NR2C2: variants seen among roughly 807,000 people sequenced by gnomAD.
NR2C2 encodes the protein Nuclear hormone receptor TR4.
NR2C2 carries 6 observed loss-of-function variants against 62.9 expected under a neutral mutation model. The ratio of observed to expected loss-of-function variants is 0.10; its 90% CI spans 0.05 to 0.19. NR2C2 has a LOEUF of 0.19. Ranked by LOEUF, NR2C2 falls within the 10% of genes least tolerant of loss-of-function variation. NR2C2 has a pLI of 1.00. For missense variants in NR2C2, 479 were observed against 762.7 expected (o/e 0.63, Z 4.38); for synonymous variants, 272 against 273.8 (o/e 0.99, Z 0.07).
chr3:15,048,342 A>G lies in NR2C2; in HGVS notation c.*5334A>G, dbSNP rs1445441114. 1.3e-5 allele frequency: 2 copies of G among 152,682 alleles called. No homozygotes were observed. The highest frequency in any genetic ancestry group is 2.9e-5 in the Non-Finnish European group (2 of 68,050). 9.5% of individuals were successfully genotyped at this position (152,682 alleles called of 1,614,324 possible). A position where few individuals can be genotyped will look rare whatever the true frequency, so the allele number is the denominator to read the frequency against. On this transcript the variant is annotated 3_prime_UTR_variant, in exon 14 of 14. Transcript: ENST00000425241. ...GTTAAAATGCAATTGGAAACTTGAC[A>G]GTCTCTAAATGAATTAAAAGTTTCC...
Position 14,972,807 on chromosome 3 carries a change from T to TAA in NR2C2, c.-40+24902_-40+24903insAA, listed in dbSNP as rs371340360. On this transcript the variant is annotated intron_variant, in intron 1 of 13. Transcript: ENST00000425241. ...GCAGACAAAGCAGGAGCAGGTGTCT[T>TAA]ACATGGCAGGGGCAGGACCAAGAGA... Among the ~76,000 whole-genome samples the TAA allele has an allele frequency of 1.5e-3, 228 of 152,174 alleles. 1 individual carries two copies. Among genetic ancestry groups the TAA allele is most frequent in the African/African-American group, 5.0e-3 (207 of 41,508 alleles).
Position 15,047,059 on chromosome 3 carries a change from C to T in NR2C2, c.*4051C>T, listed in dbSNP as rs1172822347. The T allele has an allele frequency of 2.0e-5, 3 of 152,728 alleles. No individual in the cohort carries two copies. Among genetic ancestry groups the T allele is most frequent in the African/African-American group, 4.8e-5 (2 of 41,546 alleles). The allele number at this position is 152,728 out of a possible 1,614,324, so 9.5% of individuals were successfully genotyped here. A position where few individuals can be genotyped will look rare whatever the true frequency, so the allele number is the denominator to read the frequency against. ...TAGGCTGTAAGACTGAATGAATGTA[C>T]ATGTGTTTATATCCTCTCCATATGT... On this transcript the variant is annotated 3_prime_UTR_variant, in exon 14 of 14. Transcript: ENST00000425241.
At chr3:15,000,964 G>A (rs558015307) in intron 1 of NR2C2, among the ~76,000 whole-genome samples, 38 of 151,070 alleles carry the variant, frequency 2.5e-4, no homozygotes, top group Non-Finnish European at 5.0e-4. Flanking sequence ...ACAGGCACCC[G>A]TCACCACGCC....
chr3:15,037,237 GTGTT>G (rs1209069837), intron 11 of NR2C2, among the ~76,000 whole-genome samples: 28 of 150,562 alleles, frequency 1.9e-4, no homozygotes, highest in African/African-American at 6.2e-4. Context: ...GTGTGTGTGT[GTGTT>G]TTTGTTTTTT....
At chr3:14,952,995 G>C (rs1003035351) in intron 1 of NR2C2, among the ~76,000 whole-genome samples, 1 of 152,246 alleles carries the variant, frequency 6.6e-6, no homozygotes, top group Non-Finnish European at 1.5e-5. Context: ...GTAGGCATTT[G>C]TTAAAGGTAC....
intron 7 of NR2C2, among the ~76,000 whole-genome samples, chr3:15,027,454 G>T (rs1034481838): frequency 6.6e-6 from 1 of 152,210 alleles, no homozygotes; most frequent in Admixed American, 6.5e-5. Flanking sequence ...CCATCTTTTT[G>T]ATTGTAGCCA....
chr3:15,032,972 C>A (rs889467805), intron 10 of NR2C2, among the ~76,000 whole-genome samples: 6 of 151,592 alleles, frequency 4.0e-5, no homozygotes, highest in African/African-American at 4.8e-5. Flanking sequence ...AAACCCCCCC[C>A]CCTTTTCTTG....
At chr3:15,007,188 C>T (rs371229995) in intron 2 of NR2C2, among the ~76,000 whole-genome samples, 1 of 146,054 alleles carries the variant, frequency 6.8e-6, no homozygotes, top group Non-Finnish European at 1.5e-5. Flanking sequence ...AGTGTAGTGG[C>T]GCGATCTTGG....
intron 5 of NR2C2, among the ~76,000 whole-genome samples, chr3:15,021,211 AC>A (rs1264775986): frequency 1.3e-5 from 2 of 152,120 alleles, no homozygotes. Context: ...GAAAGCTGAT[AC>A]CAAATCTACC....
intron 11 of NR2C2, among the ~76,000 whole-genome samples, chr3:15,035,953 G>A (rs2042091500): frequency 6.6e-6 from 1 of 152,152 alleles, no homozygotes; most frequent in African/African-American, 2.4e-5. Flanking sequence ...ACTTGAACCT[G>A]GGAGGCGGAG....
chr3:15,038,819 G>C, intron 12 of NR2C2: 1 of 264,958 alleles, frequency 3.8e-6, no homozygotes, highest in Non-Finnish European at 7.1e-6. Flanking sequence ...AATTTTATGT[G>C]ATAGTTTTTA....
chr3:15,042,044 T>G (rs1296706691), intron 13 of NR2C2, among the ~76,000 whole-genome samples: 1 of 152,218 alleles, frequency 6.6e-6, no homozygotes, highest in African/African-American at 2.4e-5. Flanking sequence ...ATTTCCCTGC[T>G]AATGAAAAGG....
chr3:14,959,062 A>G (rs2039612258), intron 1 of NR2C2: 1 of 152,222 alleles, frequency 6.6e-6, no homozygotes, highest in Admixed American at 6.5e-5. Context: ...GGAGCCTCTT[A>G]TTCTAGTGGG....
chr3:15,039,551 G>C (rs1316630228), intron 13 of NR2C2, among the ~76,000 whole-genome samples: 2 of 152,188 alleles, frequency 1.3e-5, no homozygotes, highest in Non-Finnish European at 2.9e-5. Flanking sequence ...AACAGATGCT[G>C]TGTGGCCTGT....
chr3:15,048,486 G>T lies in NR2C2; in HGVS notation c.*5478G>T, dbSNP rs895812664. 1.2e-4 allele frequency: 19 copies of T among 152,634 alleles called. No individual in the cohort carries two copies. The highest frequency in any genetic ancestry group is 4.3e-4 in the African/African-American group (18 of 41,532). 9.5% of individuals were successfully genotyped at this position (152,634 alleles called of 1,614,324 possible). On this transcript the variant is annotated 3_prime_UTR_variant, in exon 14 of 14. Transcript: ENST00000425241. The stretch of plus-strand genomic sequence containing the variant: ...TAATGCCCAGCTATAAATAATTTTG[G>T]TGTCTTGATATTTATACATGCAAAA...
chr3:15,003,740 T>C (rs767240281), intron 1 of NR2C2, 136 bp from the exon 2 acceptor site: 2 of 567,622 alleles, frequency 3.5e-6, no homozygotes, highest in African/African-American at 2.0e-5. Context: ...TTTGTCATCA[T>C]CCTTCTGGGT....
chr3:14,972,512 T>C (rs948509219), intron 1 of NR2C2, among the ~76,000 whole-genome samples: 3 of 152,198 alleles, frequency 2.0e-5, no homozygotes, highest in African/African-American at 7.2e-5. Flanking sequence ...TTCATATATT[T>C]TTGGAGAATG....
intron 1 of NR2C2, among the ~76,000 whole-genome samples, chr3:14,965,522 CAAAA>C (rs545143806): frequency 2.6e-3 from 205 of 79,660 alleles, no homozygotes; most frequent in African/African-American, 7.0e-3. Flanking sequence ...TTTCCCATGG[CAAAA>C]AAAAAAAAAA....
chr3:15,004,438 G>A (rs2041109348), intron 2 of NR2C2: 2 of 952,052 alleles, frequency 2.1e-6, no homozygotes, highest in Admixed American at 3.2e-5. Flanking sequence ...TGCTTATAAA[G>A]TGCTTAGAAT....
Sources: gnomAD v4.1 joint callset for allele counts (sites outside exome capture counted in the v4.1 genomes callset) on GRCh38, gnomAD v4.1.1 for gene constraint, MANE v1.5 for transcripts, NCBI Gene and HGNC (gene_info 2026-07-23, HGNC 2026-07-21) for gene names.